GTF2H1: variants seen among roughly 807,000 people sequenced by gnomAD.
GTF2H1 encodes general transcription factor IIH subunit 1, also known as BTF2 p62.
In GTF2H1, 16 loss-of-function variants were observed where a neutral mutation model predicts 71.2. The ratio of observed to expected loss-of-function variants is 0.22; its 90% CI spans 0.15 to 0.34. The LOEUF (loss-of-function observed/expected upper bound fraction) is 0.34. Among genes scored for constraint, GTF2H1 ranks in the 10% least tolerant of loss-of-function variants. The probability of loss-of-function intolerance (pLI) is 1.00; values close to 1 mark genes in which losing one functional copy is unlikely to be tolerated. For synonymous variants in GTF2H1, 215 were observed against 219.0 expected (o/e 0.98, Z 0.16); for missense variants, 498 against 648.2 (o/e 0.77, Z 2.52).
At chr11:18,352,264 G>A in intron 10 of GTF2H1, 65 bp from the exon 11 acceptor site, 1 of 764,580 alleles carries the variant, frequency 1.3e-6, no homozygotes, top group Non-Finnish European at 2.3e-6. Flanking sequence ...CTAAAATGTT[G>A]CAAAGACAAA....
chr11:18,327,130 C>G (rs1011971432), intron 1 of GTF2H1, among the ~76,000 whole-genome samples: 3 of 152,086 alleles, frequency 2.0e-5, no homozygotes, highest in Non-Finnish European at 2.9e-5. Context: ...TTAAAATAAA[C>G]TATTGAAAAT....
chr11:18,359,810 A>C (rs1422376653), intron 13 of GTF2H1, among the ~76,000 whole-genome samples: 2 of 151,416 alleles, frequency 1.3e-5, no homozygotes. Flanking sequence ...TTCTGGGCTG[A>C]GGTGATTCTC....
Position 18,339,829 on chromosome 11 carries a change from T to G in GTF2H1, c.607+172T>G, listed in dbSNP as rs4150592. Among the ~76,000 whole-genome samples the G allele has an allele frequency of 0.027, 4,091 of 152,314 alleles. 83 individuals carry two copies. The highest frequency in any genetic ancestry group is 0.053 in the African/African-American group (2,197 of 41,560). ...ACTAGGGGCTCAGTAAATAATGTGT[T>G]GTCATCAGTTCACTAATATGACTGC... On this transcript the variant is annotated intron_variant, in intron 5 of 14. Transcript: ENST00000265963.
rs1246370640 is a variant in GTF2H1, at chr11:18,365,874, G to A, written c.*5G>A. On this transcript the variant is annotated 3_prime_UTR_variant, in exon 15 of 15. Coordinates refer to ENST00000265963, the MANE Select transcript of GTF2H1 (RefSeq NM_005316.4). ...CGTCTGATGAAGAAAACGTGAGGTG[G>A]CCATGATGCTTACAGGTTTTGTGAG... is the stretch of plus-strand genomic sequence containing the variant. The A allele has an allele frequency of 6.2e-7, 1 of 1,602,976 alleles. No homozygotes were observed. Among genetic ancestry groups the A allele is most frequent in the East Asian group, 2.2e-5 (1 of 44,836 alleles).
chr11:18,331,392 C>T (rs1489537623), intron 1 of GTF2H1, among the ~76,000 whole-genome samples: 5 of 151,908 alleles, frequency 3.3e-5, no homozygotes, highest in East Asian at 3.9e-4. Flanking sequence ...GTTTGCTGGG[C>T]GCAGTGGCTC....
chr11:18,324,418 G>A (rs562626107), intron 1 of GTF2H1: 1 of 152,404 alleles, frequency 6.6e-6, no homozygotes, highest in African/African-American at 2.4e-5. Flanking sequence ...CAGTGTGGGA[G>A]AAGAATCAGT....
At chr11:18,353,986 G>A (rs7103375) in intron 11 of GTF2H1, among the ~76,000 whole-genome samples, 131,732 of 152,276 alleles carry the variant, frequency 0.87, 57,337 homozygotes, top group East Asian at 0.97. Context: ...GCAAAAGAAA[G>A]CTTTTCTTGG....
intron 1 of GTF2H1, among the ~76,000 whole-genome samples, chr11:18,329,177 A>G (rs948735917): frequency 8.3e-4 from 14 of 16,854 alleles, no homozygotes; most frequent in Non-Finnish European, 2.1e-3. Context: ...GGGTTGTGAC[A>G]TGGAATTTTT....
chr11:18,351,257 A>G (rs1031165209), intron 9 of GTF2H1, among the ~76,000 whole-genome samples: 2 of 150,830 alleles, frequency 1.3e-5, no homozygotes, highest in African/African-American at 2.4e-5. Context: ...CCACAGATGT[A>G]TAAGCAAAAA....
intron 11 of GTF2H1, among the ~76,000 whole-genome samples, chr11:18,357,734 T>A (rs936387315): frequency 2.6e-5 from 4 of 152,344 alleles, no homozygotes; most frequent in Admixed American, 2.6e-4. Flanking sequence ...TGGACTTGCC[T>A]GGCATGCCTG....
At chr11:18,348,203 G>A (rs1029291266) in intron 9 of GTF2H1, 2 of 415,774 alleles carry the variant, frequency 4.8e-6, no homozygotes, top group Non-Finnish European at 8.4e-6. Context: ...TCTTATATGT[G>A]ATTTTGTTCT....
At chr11:18,364,573 C>T (rs756388459) in intron 14 of GTF2H1, among the ~76,000 whole-genome samples, 20 of 152,090 alleles carry the variant, frequency 1.3e-4, no homozygotes, top group Non-Finnish European at 2.5e-4. Flanking sequence ...GCCTGGGCAA[C>T]GTAGTGAGAC....
chr11:18,326,757 A>G (rs1864777569), intron 1 of GTF2H1, among the ~76,000 whole-genome samples: 1 of 152,142 alleles, frequency 6.6e-6, no homozygotes, highest in South Asian at 2.1e-4. Flanking sequence ...ACATACTTAA[A>G]ATTATCCTAC....
chr11:18,350,440 A>T (rs1475250888), intron 9 of GTF2H1, among the ~76,000 whole-genome samples: 1 of 23,570 alleles, frequency 4.2e-5, no homozygotes, highest in Non-Finnish European at 1.5e-4. Context: ...AAAGTAGTTA[A>T]AAAAAAAAAA....
rs1256221586 is a variant in GTF2H1 at position 18,358,531 on chromosome 11, T to G, written c.1358T>G (p.Val453Gly). Residue 453 changes from valine (V) to glycine (G), a missense_variant, in exon 13 of 15, where the codon GTG becomes GGG. Val to Gly is a moderately radical substitution (Grantham distance 109). This residue lies in a region of GTF2H1 where 266 missense variants were observed against 301.6 expected (regional missense o/e 0.88). Transcript: ENST00000265963. ...CCTTGTTCTTCTTTTGCAGAGATGG[T>G]GCCAAATGATATTCAATCTGAATTG... ...GGTQQAINQM[V>G]PNDIQSELKH... 2 of 1,588,758 alleles carry G rather than the reference T, an allele frequency of 1.3e-6. No homozygotes were observed. Among genetic ancestry groups the G allele is most frequent in the Non-Finnish European group, 1.7e-6 (2 of 1,157,118 alleles).
chr11:18,351,606 A>C, intron 9 of GTF2H1: 1 of 223,354 alleles, frequency 4.5e-6, no homozygotes, highest in Non-Finnish European at 8.9e-6. Flanking sequence ...TCATTTGGGG[A>C]AAAAATAATA....
chr11:18,342,656 T>C (rs758511625), intron 7 of GTF2H1, among the ~76,000 whole-genome samples: 7 of 152,344 alleles, frequency 4.6e-5, no homozygotes, highest in Non-Finnish European at 7.4e-5. Flanking sequence ...CATGGCCCTC[T>C]TTAATTATCC....
chr11:18,338,631 C>T (rs1012293213), intron 4 of GTF2H1, among the ~76,000 whole-genome samples: 3 of 151,872 alleles, frequency 2.0e-5, no homozygotes, highest in African/African-American at 4.8e-5. Context: ...TTTTATAGGG[C>T]GGGGGGCAGC....
chr11:18,351,308 A>G (rs1256021255), intron 9 of GTF2H1, among the ~76,000 whole-genome samples: 1 of 149,360 alleles, frequency 6.7e-6, no homozygotes, highest in African/African-American at 2.5e-5. Context: ...TTTTTGATGA[A>G]GTCTCACTTG....
Sources: gnomAD v4.1 joint callset for allele counts (sites outside exome capture counted in the v4.1 genomes callset) on GRCh38, gnomAD v4.1.1 for gene constraint, gnomAD v4.1.1 regional missense constraint, MANE v1.5 for transcripts, NCBI Gene and HGNC (gene_info 2026-07-23, HGNC 2026-07-21) for gene names.